Variants in AOAH observed in about 807,000 individuals in gnomAD.
AOAH encodes acyloxyacyl hydrolase, also known as acyloxyacyl hydrolase (neutrophil).
AOAH carries 64 observed loss-of-function variants against 92.2 expected under a neutral mutation model. The observed-to-expected ratio is 0.69, with a 90% CI of 0.57 to 0.86. AOAH has a LOEUF of 0.86. Among genes scored for constraint, AOAH ranks in the 40% least tolerant of loss-of-function variants. AOAH has a pLI of 0.00. For missense variants in AOAH, 656 were observed against 694.6 expected, an observed-to-expected ratio of 0.94 and a Z score of 0.62; for synonymous variants, 263 against 254.5, an observed-to-expected ratio of 1.03 and a Z score of -0.32.
intron 11 of AOAH, among the ~76,000 whole-genome samples, chr7:36,595,449 C>T (rs1353615189): frequency 6.6e-6 from 1 of 152,170 alleles, no homozygotes; most frequent in African/African-American, 2.4e-5. Flanking sequence ...AGGAGGATTG[C>T]TTGAGCCCAG....
At chr7:36,639,148 A>C (rs1793723469) in intron 4 of AOAH, among the ~76,000 whole-genome samples, 1 of 152,234 alleles carries the variant, frequency 6.6e-6, no homozygotes. Context: ...TTAGAGAATG[A>C]CCCCATTCAA....
At chr7:36,524,523 A>G (rs1373452286) in intron 19 of AOAH, among the ~76,000 whole-genome samples, 3 of 151,706 alleles carry the variant, frequency 2.0e-5, no homozygotes, top group African/African-American at 7.3e-5. Flanking sequence ...AAAACAAAAA[A>G]AAATTAGCCA....
chr7:36,625,175 G>A (rs530073525), intron 6 of AOAH, among the ~76,000 whole-genome samples: 1 of 152,230 alleles, frequency 6.6e-6, no homozygotes, highest in South Asian at 2.1e-4. Context: ...GGACAGGGGA[G>A]GCTGGATCCC....
chr7:36,675,071 A>G (rs918381305), intron 2 of AOAH, among the ~76,000 whole-genome samples: 44 of 152,232 alleles, frequency 2.9e-4, no homozygotes, highest in African/African-American at 1.1e-3. Flanking sequence ...CCTGGCCAAC[A>G]TAGTGAAACC....
chr7:36,524,949 T>A (rs1002684883), intron 19 of AOAH, among the ~76,000 whole-genome samples: 1 of 152,206 alleles, frequency 6.6e-6, no homozygotes, highest in Admixed American at 6.5e-5. Flanking sequence ...TATTAAAAAA[T>A]TCCCAGGTAT....
At chr7:36,707,195 A>C (rs1798473465) in intron 1 of AOAH, among the ~76,000 whole-genome samples, 7 of 152,000 alleles carry the variant, frequency 4.6e-5, no homozygotes. Flanking sequence ...AGGCCATTGT[A>C]GGGTTGCTAA....
chr7:36,592,146 T>C (rs17170642), intron 12 of AOAH, among the ~76,000 whole-genome samples: 9,050 of 152,260 alleles, frequency 0.059, 636 homozygotes, highest in African/African-American at 0.16. Context: ...ATAAAAGCCT[T>C]GATTGAGAGA....
At chr7:36,656,454 C>T (rs2116497155) in intron 4 of AOAH, among the ~76,000 whole-genome samples, 1 of 152,194 alleles carries the variant, frequency 6.6e-6, no homozygotes, top group Admixed American at 6.5e-5. Context: ...TGTCTTCACC[C>T]GCCCTTAGTA....
intron 2 of AOAH, among the ~76,000 whole-genome samples, chr7:36,686,104 A>C (rs1247792009): frequency 3.3e-5 from 5 of 152,226 alleles, no homozygotes; most frequent in African/African-American, 9.6e-5. Context: ...AAATATGATT[A>C]ATATTTTATT....
intron 4 of AOAH, among the ~76,000 whole-genome samples, chr7:36,643,036 G>A (rs148196559): frequency 2.0e-5 from 3 of 152,332 alleles, no homozygotes; most frequent in African/African-American, 7.2e-5. Context: ...CATGACATTA[G>A]TATTAACAAT....
rs763273964 is a variant in AOAH, at chr7:36,548,621, ACAT to A, written c.1121_1123del (p.Asp374del). ...TTTCTCAATAACTCACCCACTGCAG[ACAT>A]CATTTCCAATCATGGCATATATAAC... On this transcript the variant is annotated inframe_deletion, in exon 15 of 21. Transcript: ENST00000617537. 6.2e-7 allele frequency: 1 copy of A among 1,613,604 alleles called. No individual in the cohort carries two copies. The highest frequency in any genetic ancestry group is 8.5e-7 in the Non-Finnish European group (1 of 1,179,608).
chr7:36,700,847 T>C (rs1160201808), intron 1 of AOAH, among the ~76,000 whole-genome samples: 1 of 152,098 alleles, frequency 6.6e-6, no homozygotes, highest in African/African-American at 2.4e-5. Context: ...CAACATCTGT[T>C]ATGTTTTGAC....
In AOAH at chr7:36,667,634, G is replaced by A. The variant is rs906861649; in HGVS notation, c.290+6309C>T. ...GATTTTCTGTTGGCTGGATCTGTCC[G>A]TTTCTGATAGAGGGATGTTGAAGTC... On this transcript the variant is annotated intron_variant, in intron 3 of 20. Coordinates refer to ENST00000617537, the MANE Select transcript of AOAH (RefSeq NM_001637.4). Among the ~76,000 whole-genome samples the A allele has an allele frequency of 4.6e-5, 7 of 152,286 alleles. No individual in the cohort carries two copies. The East Asian group carries it at 5.8e-4, about 13-fold the overall frequency.
intron 4 of AOAH, among the ~76,000 whole-genome samples, chr7:36,644,789 G>C (rs1394041064): frequency 6.6e-6 from 1 of 152,034 alleles, no homozygotes; most frequent in Non-Finnish European, 1.5e-5. Flanking sequence ...AGTACAAAAT[G>C]TGCCTTTGTT....
At chr7:36,572,044 A>G (rs961093133) in intron 13 of AOAH, among the ~76,000 whole-genome samples, 2 of 152,192 alleles carry the variant, frequency 1.3e-5, no homozygotes, top group Non-Finnish European at 2.9e-5. Flanking sequence ...GAAAAGATAA[A>G]TATTTAAGGT....
At chr7:36,609,298 T>C (rs1238275087) in intron 11 of AOAH, among the ~76,000 whole-genome samples, 3 of 152,150 alleles carry the variant, frequency 2.0e-5, no homozygotes, top group African/African-American at 4.8e-5. Flanking sequence ...TGATCCCCGC[T>C]CTCCCCCTAA....
In AOAH at chr7:36,614,710, G is replaced by A. The variant is rs1791732899; in HGVS notation, c.846+1670C>T. Reference sequence around the variant, plus strand: ...TTGGGAATCTGGGCACAGGCAAGAGGAAGATTGGGGTTGGGCATGGTGGCA... The same window carrying A: ...TTGGGAATCTGGGCACAGGCAAGAGAAAGATTGGGGTTGGGCATGGTGGCA... On this transcript the variant is annotated intron_variant, in intron 11 of 20. Transcript: ENST00000617537. This position sits in a 1 kb window ranked among gnomAD's most constrained non-coding sequence, Gnocchi z 4.2. 6.6e-6 allele frequency among the ~76,000 whole-genome samples: 1 copy of A among 152,226 alleles called. No individual in the cohort carries two copies. Among genetic ancestry groups the A allele is most frequent in the South Asian group, 2.1e-4 (1 of 4,834 alleles).
intron 12 of AOAH, among the ~76,000 whole-genome samples, chr7:36,577,475 C>T (rs1788597794): frequency 6.6e-6 from 1 of 152,290 alleles, no homozygotes; most frequent in African/African-American, 2.4e-5. Flanking sequence ...CCAGACTGCA[C>T]ATTTTCTAAA....
rs750727289 is a variant in AOAH, at chr7:36,530,419, T to C, written c.1521A>G (p.Glu507=). The C allele has an allele frequency of 4.0e-5, 64 of 1,607,878 alleles. No individual in the cohort carries two copies. The highest frequency in any genetic ancestry group is 5.4e-5 in the Non-Finnish European group (64 of 1,174,498). The change falls in exon 19 of 21, where the codon GAA becomes GAG. Residue 507 remains glutamate (E), a splice_region_variant and synonymous_variant. Coordinates refer to ENST00000617537, the MANE Select transcript of AOAH (RefSeq NM_001637.4). ...CAATACCCAAACAAAGCTACTTACT[T>C]TCATGGAAGGCAAAATCCATGTAGA... ...NLFYMDFAFH[E]IIQEWQKRGG... is the part of the protein sequence containing the mutation.
Sources: allele counts gnomAD v4.1 joint callset (sites outside exome capture counted in the v4.1 genomes callset), GRCh38; gene constraint gnomAD v4.1.1; non-coding constraint Gnocchi (gnomAD v3.1); transcripts MANE v1.5; gene names NCBI Gene and HGNC (gene_info 2026-07-23, HGNC 2026-07-21).